The following HYDIN variants were observed in gnomAD, a reference collection of about 807,000 sequenced individuals.
HYDIN encodes the protein HYDIN axonemal central pair apparatus protein, also known as axonemal central pair apparatus protein HYDIN.
Under a neutral mutation model 403.9 loss-of-function variants are expected in HYDIN, and 132 were observed. That is an observed-to-expected ratio of 0.33 (90% CI 0.28 to 0.38). The LOEUF is 0.38. Among genes scored for constraint, HYDIN ranks in the 10% least tolerant of loss-of-function variants. HYDIN has a pLI of 1.00. For synonymous variants in HYDIN, 1,202 were observed against 1,891.7 expected, an observed-to-expected ratio of 0.64 and a Z score of 9.46; for missense variants, 2,827 against 5,009.5, an observed-to-expected ratio of 0.56 and a Z score of 13.15.
Position 70,818,379 on chromosome 16 carries a change from G to T in HYDIN, c.14621C>A (p.Ala4874Asp). Residue 4874 changes from alanine to aspartate, a missense_variant, in exon 84 of 86, where the codon GCC becomes GAC. Ala to Asp is a moderately radical substitution (Grantham distance 126). Coordinates refer to ENST00000393567, the MANE Select transcript of HYDIN (RefSeq NM_001270974.2). Reference protein sequence around the residue: ...FSTECRMPDIALPSQFVVPAN... With the variant: ...FSTECRMPDIDLPSQFVVPAN... ...AGGCACCACAAACTGGGAGGGCAGGGCGATGTCGGGCATCCGGCATTCCGT... is the reference window on the plus strand; with the variant it reads ...AGGCACCACAAACTGGGAGGGCAGGTCGATGTCGGGCATCCGGCATTCCGT... 6.2e-7 allele frequency: 1 copy of T among 1,613,754 alleles called. No homozygotes were observed. The highest frequency in any genetic ancestry group is 8.5e-7 in the Non-Finnish European group (1 of 1,179,794).
rs1303447867 is a variant in HYDIN, at chr16:70,850,668, C to G, written c.12444-13G>C. On this transcript the variant is annotated splice_polypyrimidine_tract_variant and intron_variant, in intron 73 of 85. Transcript: ENST00000393567. ...ATCAATTGGGAACCTGGTTGGGGAA[C>G]AAAACAGCAGATTACCTGACTAGGC... The G allele has an allele frequency of 6.2e-7, 1 of 1,611,086 alleles. No individual in the cohort carries two copies. Among genetic ancestry groups the G allele is most frequent in the South Asian group, 1.1e-5 (1 of 90,892 alleles).
rs191997195 is a variant in HYDIN at position 71,110,636 on chromosome 16, G to A, written c.1327+5060C>T. 4.6e-3 allele frequency among the ~76,000 whole-genome samples: 703 copies of A among 151,570 alleles called. 4 individuals carry two copies. Among genetic ancestry groups the A allele is most frequent in the Non-Finnish European group, 7.2e-3 (491 of 67,958 alleles). Reference sequence around the variant, plus strand: ...TAAAAGTCAAGGTGATGGTTTTATCGAGGGAAGGTGAGGGAAACTTCATTG... The same window carrying A: ...TAAAAGTCAAGGTGATGGTTTTATCAAGGGAAGGTGAGGGAAACTTCATTG... On this transcript the variant is annotated intron_variant, in intron 10 of 85. Transcript: ENST00000393567.
intron 76 of HYDIN, 24 bp from the exon 77 acceptor site, chr16:70,837,912 G>T (rs1424177679): frequency 1.2e-6 from 2 of 1,603,578 alleles, no homozygotes; most frequent in Non-Finnish European, 1.7e-6. Flanking sequence ...AGAGGAAGAG[G>T]CGTAAGCTCC....
intron 46 of HYDIN, 21 bp downstream of exon 46, chr16:70,920,570 A>T: frequency 1.3e-6 from 2 of 1,571,958 alleles, no homozygotes; most frequent in Non-Finnish European, 1.7e-6. Context: ...AGACTTCCCC[A>T]CCCTGGAGGA....
chr16:71,031,099 C>T (rs1402632415), intron 19 of HYDIN, among the ~76,000 whole-genome samples: 4 of 146,784 alleles, frequency 2.7e-5, no homozygotes, highest in African/African-American at 1.0e-4. Context: ...ACTTGGGAGG[C>T]TGAGGCAGGA....
intron 1 of HYDIN, among the ~76,000 whole-genome samples, chr16:71,223,186 T>A (rs2040876622): frequency 6.6e-6 from 1 of 152,136 alleles, no homozygotes; most frequent in South Asian, 2.1e-4. Context: ...TACAGCCAAC[T>A]GATATTTGAC....
In HYDIN at chr16:70,976,425, G is replaced by A. The variant is rs537689123; in HGVS notation, c.4639-1156C>T. ...TTAATTTTATTTCCTCAAGAAGCACGAGGAATCTTGGTGGTAATGGAATAG... is the reference window on the plus strand; with the variant it reads ...TTAATTTTATTTCCTCAAGAAGCACAAGGAATCTTGGTGGTAATGGAATAG... On this transcript the variant is annotated intron_variant, in intron 30 of 85. Coordinates refer to ENST00000393567, the MANE Select transcript of HYDIN (RefSeq NM_001270974.2). Among the ~76,000 whole-genome samples the A allele has an allele frequency of 9.2e-3, 1,393 of 151,376 alleles. 12 individuals are homozygous for A. Among genetic ancestry groups the A allele is most frequent in the African/African-American group, 0.031 (1,300 of 41,286 alleles).
chr16:71,097,986 A>G (rs148877298), intron 10 of HYDIN, among the ~76,000 whole-genome samples: 172 of 152,218 alleles, frequency 1.1e-3, no homozygotes, highest in African/African-American at 3.9e-3. Context: ...AATGTCCGTT[A>G]AAGACAGAAT....
intron 12 of HYDIN, among the ~76,000 whole-genome samples, chr16:71,081,239 C>T (rs1003608053): frequency 2.0e-5 from 3 of 151,990 alleles, no homozygotes; most frequent in Non-Finnish European, 2.9e-5. Context: ...GTGATACTTC[C>T]GGTTGCTTCA....
In HYDIN at chr16:70,805,179, G is replaced by C. The variant is rs1438298674; in HGVS notation, c.*2401C>G. Among the ~76,000 whole-genome samples the C allele has an allele frequency of 6.6e-6, 1 of 152,230 alleles. No individual in the cohort carries two copies. Among genetic ancestry groups the C allele is most frequent in the Non-Finnish European group, 1.5e-5 (1 of 68,038 alleles). ...ACTAGGTCCTATGCAGATTTGGTAAGACTTCTCAGGACTGTAATGAAAGAG... is the reference window on the plus strand; with the variant it reads ...ACTAGGTCCTATGCAGATTTGGTAACACTTCTCAGGACTGTAATGAAAGAG... On this transcript the variant is annotated 3_prime_UTR_variant, in exon 86 of 86. Transcript: ENST00000393567.
Position 70,853,038 on chromosome 16 carries a change from G to A in HYDIN, c.12443+2090C>T, listed in dbSNP as rs541114762. Among the ~76,000 whole-genome samples, 27 of 151,834 alleles carry A rather than the reference G, an allele frequency of 1.8e-4. 1 individual carries two copies. Among genetic ancestry groups the A allele is most frequent in the African/African-American group, 5.5e-4 (23 of 41,442 alleles). On this transcript the variant is annotated intron_variant, in intron 73 of 85. Coordinates refer to ENST00000393567, the MANE Select transcript of HYDIN (RefSeq NM_001270974.2). ...AAAAAAAAAAAAAAAAAAATTAGCC[G>A]GGCATAGTGGTGCGTGCCTGTAGCC...
At chr16:71,114,117 T>G (rs1413836468) in intron 10 of HYDIN, 1 of 151,718 alleles carries the variant, frequency 6.6e-6, no homozygotes, top group African/African-American at 2.4e-5. Flanking sequence ...CCAGGCTTCT[T>G]CACTGCAAAG....
intron 53 of HYDIN, among the ~76,000 whole-genome samples, chr16:70,896,421 C>T (rs1217824411): frequency 3.3e-5 from 5 of 152,148 alleles, no homozygotes; most frequent in Admixed American, 6.5e-5. Flanking sequence ...GGCGCAATCT[C>T]GGCTCACTGC....
chr16:71,097,982 C>T (rs955952625), intron 10 of HYDIN, among the ~76,000 whole-genome samples: 4 of 152,012 alleles, frequency 2.6e-5, no homozygotes, highest in African/African-American at 4.8e-5. Context: ...GTTAAATGTC[C>T]GTTAAAGACA....
intron 65 of HYDIN, 138 bp downstream of exon 65, chr16:70,871,899 A>C (rs888007095): frequency 4.8e-5 from 25 of 521,734 alleles, no homozygotes; most frequent in Non-Finnish European, 8.0e-5. Flanking sequence ...GGTATGAGTG[A>C]GGGATGATTC....
chr16:70,845,960 C>G, intron 75 of HYDIN, among the ~76,000 whole-genome samples: 1 of 151,106 alleles, frequency 6.6e-6, no homozygotes, highest in Non-Finnish European at 1.5e-5. Flanking sequence ...TGCTAGCGGT[C>G]TATCAGTTTT....
chr16:70,804,617 CAAACGGAA>C lies in HYDIN; in HGVS notation c.*2955_*2962del, dbSNP rs200824039. The stretch of plus-strand genomic sequence containing the variant: ...TACACAGGACCAAGAATAAATATCT[CAAACGGAA>C]AACTTAACGTTTCCTAATGTTCAAG... On this transcript the variant is annotated 3_prime_UTR_variant, in exon 86 of 86. Coordinates refer to ENST00000393567, the MANE Select transcript of HYDIN (RefSeq NM_001270974.2). Among the ~76,000 whole-genome samples, 1,419 of 149,330 alleles carry C rather than the reference CAAACGGAA, an allele frequency of 9.5e-3. 25 individuals are homozygous for C. Among genetic ancestry groups the C allele is most frequent in the African/African-American group, 0.033 (1,320 of 39,930 alleles).
intron 23 of HYDIN, among the ~76,000 whole-genome samples, chr16:71,017,070 T>C (rs1373319738): frequency 6.6e-6 from 1 of 151,874 alleles, no homozygotes; most frequent in Non-Finnish European, 1.5e-5. Flanking sequence ...CTGGGTACGG[T>C]GGCCCACACC....
chr16:71,019,002 G>A (rs1325550837), intron 22 of HYDIN, among the ~76,000 whole-genome samples: 2 of 150,734 alleles, frequency 1.3e-5, no homozygotes, highest in Non-Finnish European at 3.0e-5. Context: ...TCTAATGTCA[G>A]CAATCCTAAC....
Sources: allele counts gnomAD v4.1 joint callset (sites outside exome capture counted in the v4.1 genomes callset), GRCh38; gene constraint gnomAD v4.1.1; transcripts MANE v1.5; gene names NCBI Gene and HGNC (gene_info 2026-07-23, HGNC 2026-07-21).